RSPO2: variants seen among roughly 807,000 people sequenced by gnomAD.
The protein encoded by RSPO2 is R-spondin 2, also known as R-spondin-2.
In RSPO2, 14 loss-of-function variants were observed where a neutral mutation model predicts 30.9. The ratio of observed to expected loss-of-function variants is 0.45; its 90% CI spans 0.30 to 0.71. The LOEUF (loss-of-function observed/expected upper bound fraction) is 0.71. RSPO2 is among the 30% of genes least tolerant of loss of function. The pLI is 0.08. For missense variants in RSPO2, 264 were observed against 301.9 expected, an observed-to-expected ratio of 0.87 and a Z score of 0.93; for synonymous variants, 107 against 96.4, an observed-to-expected ratio of 1.11 and a Z score of -0.64.
chr8:107,953,578 T>C (rs1373860553), intron 5 of RSPO2, among the ~76,000 whole-genome samples: 1 of 152,108 alleles, frequency 6.6e-6, no homozygotes, highest in Non-Finnish European at 1.5e-5. Context: ...GTTGGGAAGT[T>C]TAATGTTGGA....
At chr8:107,964,025 A>T (rs761071999) in intron 3 of RSPO2, among the ~76,000 whole-genome samples, 1 of 152,198 alleles carries the variant, frequency 6.6e-6, no homozygotes, top group Non-Finnish European at 1.5e-5. Context: ...AAACTAAATA[A>T]AATATTGTCT....
chr8:107,921,262 T>C (rs1206493931), intron 5 of RSPO2, among the ~76,000 whole-genome samples: 1 of 141,388 alleles, frequency 7.1e-6, no homozygotes, highest in South Asian at 2.4e-4. Context: ...GAAAATCGTT[T>C]TGATTAGCAG....
intron 5 of RSPO2, among the ~76,000 whole-genome samples, chr8:107,931,149 A>T (rs1300934060): frequency 6.6e-6 from 1 of 152,208 alleles, no homozygotes; most frequent in Non-Finnish European, 1.5e-5. Flanking sequence ...TGCTTAGTAA[A>T]TTCTTATTAA....
chr8:108,006,581 T>G (rs982886757), intron 2 of RSPO2, among the ~76,000 whole-genome samples: 1 of 151,772 alleles, frequency 6.6e-6, no homozygotes, highest in Non-Finnish European at 1.5e-5. Flanking sequence ...TTTTATAGAT[T>G]TTTTTTAATA....
chr8:108,070,712 G>C (rs924088077), intron 2 of RSPO2, among the ~76,000 whole-genome samples: 1 of 152,132 alleles, frequency 6.6e-6, no homozygotes, highest in African/African-American at 2.4e-5. Context: ...GGCTCTTACA[G>C]TGTGAAAGGT....
chr8:108,063,800 A>C (rs1004800528), intron 2 of RSPO2, among the ~76,000 whole-genome samples: 1 of 152,204 alleles, frequency 6.6e-6, no homozygotes, highest in Non-Finnish European at 1.5e-5. Flanking sequence ...TACAGTAACC[A>C]AAACAGCATG....
chr8:107,932,769 C>CA (rs1386967736), intron 5 of RSPO2, among the ~76,000 whole-genome samples: 1 of 152,048 alleles, frequency 6.6e-6, no homozygotes, highest in Non-Finnish European at 1.5e-5. Flanking sequence ...TGAAAAGAAA[C>CA]AGTCAAGTTT....
chr8:107,936,272 G>T (rs1472893580), intron 5 of RSPO2, among the ~76,000 whole-genome samples: 2 of 152,180 alleles, frequency 1.3e-5, no homozygotes, highest in African/African-American at 4.8e-5. Flanking sequence ...GCAAAATGAT[G>T]ATTTCATTTT....
intron 3 of RSPO2, among the ~76,000 whole-genome samples, chr8:107,985,166 T>C (rs1288007266): frequency 1.3e-5 from 2 of 152,152 alleles, no homozygotes; most frequent in Admixed American, 1.3e-4. Flanking sequence ...ATACTTGTTA[T>C]TAATAGCCAG....
chr8:107,960,708 A>G lies in RSPO2; in HGVS notation c.393T>C (p.Gly131=), dbSNP rs1181495154. The change falls in exon 4 of 6, where the codon GGT becomes GGC. Residue 131 remains glycine (G), a synonymous_variant. Coordinates refer to ENST00000276659, the MANE Select transcript of RSPO2 (RefSeq NM_178565.5). ...RGRCFDECPD[G]FAPLEETMEC... is the part of the protein sequence containing the mutation. ...CCATGGTTTCTTCTAATGGTGCAAA[A>G]CCATCTGGACATTCATCAAAGCAAC... 6.2e-7 allele frequency: 1 copy of G among 1,613,558 alleles called. No individual in the cohort carries two copies. Among genetic ancestry groups the G allele is most frequent in the Admixed American group, 1.7e-5 (1 of 59,958 alleles).
At chr8:108,047,119 A>G (rs1586655908) in intron 2 of RSPO2, among the ~76,000 whole-genome samples, 1 of 152,202 alleles carries the variant, frequency 6.6e-6, no homozygotes, top group East Asian at 1.9e-4. Flanking sequence ...GCCAGTGGTC[A>G]CTCCAAAGAT....
chr8:107,979,483 A>T (rs938437254), intron 3 of RSPO2, among the ~76,000 whole-genome samples: 6 of 152,170 alleles, frequency 3.9e-5, no homozygotes, highest in Admixed American at 3.9e-4. Flanking sequence ...TTGAACAATG[A>T]GAACACCTGG....
intron 5 of RSPO2, among the ~76,000 whole-genome samples, chr8:107,941,083 C>G (rs1025036304): frequency 2.0e-5 from 3 of 151,988 alleles, no homozygotes; most frequent in African/African-American, 7.2e-5. Context: ...AACCACACAT[C>G]TTACCCCCCA....
chr8:107,948,488 G>C (rs931436882), intron 5 of RSPO2, among the ~76,000 whole-genome samples: 2 of 152,162 alleles, frequency 1.3e-5, no homozygotes, highest in African/African-American at 4.8e-5. Flanking sequence ...ATAATCAAAG[G>C]CCAGCCTTGG....
chr8:107,902,926 G>A (rs952371802), intron 5 of RSPO2, among the ~76,000 whole-genome samples: 3 of 152,038 alleles, frequency 2.0e-5, no homozygotes, highest in African/African-American at 7.2e-5. Context: ...ATGGCAGTTT[G>A]CCATCTTGAA....
intron 3 of RSPO2, among the ~76,000 whole-genome samples, chr8:107,968,896 C>T (rs1813906093): frequency 6.6e-6 from 1 of 152,056 alleles, no homozygotes; most frequent in South Asian, 2.1e-4. Flanking sequence ...ACTCAAAGGG[C>T]ATTACCCAAT....
At chr8:107,988,341 C>T (rs932765989) in intron 3 of RSPO2, among the ~76,000 whole-genome samples, 1 of 151,290 alleles carries the variant, frequency 6.6e-6, no homozygotes, top group African/African-American at 2.4e-5. Flanking sequence ...GGATTACCAA[C>T]TCAGATAAAA....
At chr8:107,970,989 C>A (rs917982606) in intron 3 of RSPO2, among the ~76,000 whole-genome samples, 4 of 152,204 alleles carry the variant, frequency 2.6e-5, no homozygotes, top group Admixed American at 6.5e-5. Context: ...GTGGACTTAT[C>A]AGAATGCATG....
chr8:108,075,228 C>T (rs146715150), intron 2 of RSPO2, among the ~76,000 whole-genome samples: 4,171 of 152,238 alleles, frequency 0.027, 173 homozygotes, highest in African/African-American at 0.093. Context: ...CGCCTGTAAT[C>T]CCAGCATTTT....
Sources: gnomAD v4.1 joint callset for allele counts (sites outside exome capture counted in the v4.1 genomes callset) on GRCh38, gnomAD v4.1.1 for gene constraint, MANE v1.5 for transcripts, NCBI Gene and HGNC (gene_info 2026-07-23, HGNC 2026-07-21) for gene names.